Variants in EFR3B observed in about 807,000 individuals in gnomAD.
EFR3B encodes the protein protein EFR3 homolog B.
Under a neutral mutation model 104.7 loss-of-function variants are expected in EFR3B, and 64 were observed. The observed-to-expected ratio is 0.61, with a 90% confidence interval of 0.50 to 0.75. The LOEUF (loss-of-function observed/expected upper bound fraction) is 0.75, where lower values mean the gene tolerates loss of function less well. EFR3B is among the 30% of genes least tolerant of loss of function. The pLI, the probability that EFR3B is intolerant of heterozygous loss-of-function variation, is 0.00. For missense variants in EFR3B, 750 were observed against 1,078.5 expected, an observed-to-expected ratio of 0.70 and a Z score of 4.27; for synonymous variants, 385 against 417.9, an observed-to-expected ratio of 0.92 and a Z score of 0.96.
At chr2:25,086,972 A>G (rs1668968572) in intron 1 of EFR3B, among the ~76,000 whole-genome samples, 2 of 152,224 alleles carry the variant, frequency 1.3e-5, no homozygotes, top group South Asian at 4.1e-4. Flanking sequence ...GAACGAAGAC[A>G]TACCTGAGAC....
At chr2:25,061,176 T>G (rs1471785051) in intron 1 of EFR3B, among the ~76,000 whole-genome samples, 1 of 151,610 alleles carries the variant, frequency 6.6e-6, no homozygotes, top group African/African-American at 2.4e-5. Context: ...CAGGCTGGAA[T>G]GCAGTGGTGC....
chr2:25,121,702 C>T lies in EFR3B; in HGVS notation c.393C>T (p.Asp131=), dbSNP rs1670019850. The change falls in exon 5 of 23, where the codon GAC becomes GAT. Residue 131 remains aspartate (D), a synonymous_variant. Transcript: ENST00000403714. ...SFVKFANIEE[D]TPSYHRSYDF... ...TGAAGTTTGCCAACATCGAGGAGGA[C>T]ACCCCGTCCTATCACCGGAGCTATG... The T allele has an allele frequency of 6.4e-7, 1 of 1,551,610 alleles. No homozygotes were observed. Among genetic ancestry groups the T allele is most frequent in the Admixed American group, 2.0e-5 (1 of 50,976 alleles).
At position 25,131,699 on chromosome 2, in the gene EFR3B, G is replaced by A. The variant is rs1028010950; in HGVS notation, c.986-51G>A. The stretch of plus-strand genomic sequence containing the variant: ...GCCCTGCCTGCGCGCGGTGCACAGA[G>A]GAGGAGGGTGCCAGCCTTGGATCTC... On this transcript the variant is annotated intron_variant, in intron 9 of 22. Transcript: ENST00000403714. The surrounding 1 kb of genome is among the most constrained non-coding windows in gnomAD (Gnocchi z 7.6). 2 of 1,484,804 alleles carry A rather than the reference G, an allele frequency of 1.3e-6. No homozygotes were observed. The highest frequency in any genetic ancestry group is 1.4e-5 in the African/African-American group (1 of 71,504). The allele number at this position is 1,484,804 out of a possible 1,614,324, so 92.0% of individuals were successfully genotyped here.
At chr2:25,062,761 C>T (rs1450140958) in intron 1 of EFR3B, among the ~76,000 whole-genome samples, 1 of 152,210 alleles carries the variant, frequency 6.6e-6, no homozygotes, top group Non-Finnish European at 1.5e-5. Context: ...ACGGCAGGGC[C>T]ATCTGAGTGT....
At chr2:25,140,345 TAAAAC>T (rs1458267964) in intron 16 of EFR3B, among the ~76,000 whole-genome samples, 4 of 151,882 alleles carry the variant, frequency 2.6e-5, no homozygotes, top group Admixed American at 6.6e-5. Flanking sequence ...CAAAACAAAA[TAAAAC>T]AAAACAAGAA....
chr2:25,090,295 C>T (rs1669077051), intron 1 of EFR3B, among the ~76,000 whole-genome samples: 1 of 152,256 alleles, frequency 6.6e-6, no homozygotes, highest in African/African-American at 2.4e-5. Flanking sequence ...CCCGCCCGCC[C>T]CCTCAGTGAG....
At chr2:25,070,225 T>C (rs1328495194) in intron 1 of EFR3B, among the ~76,000 whole-genome samples, 1 of 152,072 alleles carries the variant, frequency 6.6e-6, no homozygotes, top group Non-Finnish European at 1.5e-5. Context: ...CATTACACAA[T>C]ATTTTCCCTG....
At chr2:25,057,802 C>A (rs1345832034) in intron 1 of EFR3B, among the ~76,000 whole-genome samples, 3 of 150,882 alleles carry the variant, frequency 2.0e-5, no homozygotes, top group East Asian at 3.9e-4. Flanking sequence ...AAAAAAAGAC[C>A]ATTATCAATT....
At chr2:25,070,721 CAATG>C (rs1210060072) in intron 1 of EFR3B, among the ~76,000 whole-genome samples, 1 of 152,176 alleles carries the variant, frequency 6.6e-6, no homozygotes, top group East Asian at 1.9e-4. Context: ...GGGCCACTGT[CAATG>C]AAGAGCTGAG....
chr2:25,077,838 A>G (rs760919942), intron 1 of EFR3B, among the ~76,000 whole-genome samples: 1 of 152,152 alleles, frequency 6.6e-6, no homozygotes, highest in Non-Finnish European at 1.5e-5. Context: ...TTTTAAATTC[A>G]GAAGCAAGGA....
chr2:25,069,020 G>A (rs530056646), intron 1 of EFR3B, among the ~76,000 whole-genome samples: 2 of 144,860 alleles, frequency 1.4e-5, no homozygotes, highest in African/African-American at 2.6e-5. Flanking sequence ...TGCAACCTCC[G>A]CCTCCCGGAT....
At chr2:25,113,180 C>T (rs531267112) in intron 4 of EFR3B, among the ~76,000 whole-genome samples, 1 of 152,102 alleles carries the variant, frequency 6.6e-6, no homozygotes, top group African/African-American at 2.4e-5. Context: ...TCGAAATCTT[C>T]AGTTTTTTGC....
At chr2:25,111,424 C>T (rs976462272) in intron 4 of EFR3B, among the ~76,000 whole-genome samples, 1 of 151,756 alleles carries the variant, frequency 6.6e-6, no homozygotes, top group Admixed American at 6.6e-5. Context: ...TCCCTGGGAT[C>T]CCACCCTTGT....
At chr2:25,143,352 T>A (rs1357010085) in intron 17 of EFR3B, among the ~76,000 whole-genome samples, 1 of 151,902 alleles carries the variant, frequency 6.6e-6, no homozygotes, top group African/African-American at 2.4e-5. Context: ...ATAGTGAAGA[T>A]GTTACTTTTT....
At chr2:25,099,275 T>C (rs984092954) in intron 3 of EFR3B, among the ~76,000 whole-genome samples, 3 of 151,906 alleles carry the variant, frequency 2.0e-5, no homozygotes, top group Non-Finnish European at 4.4e-5. Flanking sequence ...GTTTCCTGGA[T>C]GGTGATTGTG....
rs866645576 is a variant in EFR3B at position 25,137,672 on chromosome 2, G to T, written c.1722+170G>T. Among the ~76,000 whole-genome samples the T allele has an allele frequency of 2.0e-5, 3 of 152,216 alleles. No homozygotes were observed. In the South Asian group the frequency reaches 6.2e-4, roughly 32 times the overall value. On this transcript the variant is annotated intron_variant, in intron 15 of 22. Coordinates refer to ENST00000403714, the MANE Select transcript of EFR3B (RefSeq NM_014971.2). The surrounding 1 kb of genome is among the most constrained non-coding windows in gnomAD (Gnocchi z 4.7). ...CCTGAAGACCCCAAACCATGGTCCT[G>T]TTTGGGGAACCCCAAAGAATGCTTC...
intron 1 of EFR3B, among the ~76,000 whole-genome samples, chr2:25,051,659 A>G (rs1667874562): frequency 7.3e-6 from 1 of 137,562 alleles, no homozygotes; most frequent in African/African-American, 2.8e-5. Flanking sequence ...TTTTTCAGAC[A>G]CAGCCTTGCT....
At chr2:25,128,418 TA>T (rs1163461997) in intron 6 of EFR3B, 86 bp downstream of exon 6, 1 of 1,505,538 alleles carries the variant, frequency 6.6e-7, no homozygotes, top group Non-Finnish European at 9.0e-7. Flanking sequence ...GGTTGGTCAG[TA>T]AAACTCAGCT....
Position 25,113,698 on chromosome 2 carries a change from A to G in EFR3B, c.364-7975A>G, listed in dbSNP as rs182940328. On this transcript the variant is annotated intron_variant, in intron 4 of 22. Transcript: ENST00000403714. ...AAAAAAAAAAGAAAAGAAAAGAAAA[A>G]AAAAGAAATAGTGACCAGTCACACA... 6.3e-4 allele frequency among the ~76,000 whole-genome samples: 96 copies of G among 151,820 alleles called. No homozygotes were observed. The East Asian group carries it at 0.015, about 24-fold the overall frequency.
Sources: gnomAD v4.1 joint callset for allele counts (sites outside exome capture counted in the v4.1 genomes callset) on GRCh38, gnomAD v4.1.1 for gene constraint, Gnocchi (gnomAD v3.1) non-coding constraint, MANE v1.5 for transcripts, NCBI Gene and HGNC (gene_info 2026-07-23, HGNC 2026-07-21) for gene names.